Variants in LYPLA1 observed in about 807,000 individuals in gnomAD.
LYPLA1 encodes lysophospholipase 1.
A neutral mutation model predicts 34.0 loss-of-function variants in LYPLA1; 17 were observed. That is an observed-to-expected ratio of 0.50 (90% CI 0.34 to 0.75). The LOEUF is 0.75. Among genes scored for constraint, LYPLA1 ranks in the 30% least tolerant of loss-of-function variants. The probability of loss-of-function intolerance (pLI) is 0.01; values close to 1 mark genes in which losing one functional copy is unlikely to be tolerated. For missense variants in LYPLA1, 203 were observed against 288.8 expected (o/e 0.70, Z 2.15); for synonymous variants, 98 against 100.8 (o/e 0.97, Z 0.17).
chr8:54,048,884 C>G (rs1162596076), intron 8 of LYPLA1, among the ~76,000 whole-genome samples: 1 of 152,184 alleles, frequency 6.6e-6, no homozygotes, highest in African/African-American at 2.4e-5. Context: ...CACTATCCTA[C>G]TTCTCCTCAT....
At chr8:54,077,498 A>G (rs1266263987) in intron 2 of LYPLA1, among the ~76,000 whole-genome samples, 2 of 152,202 alleles carry the variant, frequency 1.3e-5, no homozygotes, top group Non-Finnish European at 2.9e-5. Context: ...GTTACAAAGT[A>G]AAAAATAAAA....
At chr8:54,073,059 T>C (rs552165733) in intron 2 of LYPLA1, 13 of 539,732 alleles carry the variant, frequency 2.4e-5, no homozygotes, top group South Asian at 2.2e-4. Flanking sequence ...GCAGGCAGAA[T>C]GGCTATCATC....
chr8:54,077,842 G>C (rs1808021988), intron 2 of LYPLA1, among the ~76,000 whole-genome samples: 1 of 152,148 alleles, frequency 6.6e-6, no homozygotes, highest in East Asian at 1.9e-4. Context: ...GGATGGGAGG[G>C]TACTAACTCC....
At chr8:54,065,406 C>T (rs1281041250) in intron 3 of LYPLA1, among the ~76,000 whole-genome samples, 2 of 151,416 alleles carry the variant, frequency 1.3e-5, no homozygotes, top group Admixed American at 6.6e-5. Context: ...TGCAGTGAGC[C>T]GAGATCACGC....
chr8:54,091,581 AAAGGAAGGAAGG>A (rs200125817), intron 2 of LYPLA1, among the ~76,000 whole-genome samples: 181 of 142,354 alleles, frequency 1.3e-3, no homozygotes, highest in Middle Eastern at 3.6e-3. Flanking sequence ...GAAAGAAAGA[AAAGGAAGGAAGG>A]AAGGAAGGAA....
chr8:54,081,204 CA>C (rs1808292452), intron 2 of LYPLA1, among the ~76,000 whole-genome samples: 1 of 152,150 alleles, frequency 6.6e-6, no homozygotes. Flanking sequence ...CAATATTTCA[CA>C]GTAAATTTTG....
Position 54,091,565 on chromosome 8 carries a change from AG to A in LYPLA1, c.101+9342del, listed in dbSNP as rs1395208742. 1.4e-3 allele frequency among the ~76,000 whole-genome samples: 178 copies of A among 131,782 alleles called. 2 individuals carry two copies. Among genetic ancestry groups the A allele is most frequent in the African/African-American group, 5.4e-3 (173 of 32,080 alleles). 86.5% of individuals were successfully genotyped at this position (131,782 alleles called of 152,430 possible). On this transcript the variant is annotated intron_variant, in intron 2 of 8. Transcript: ENST00000316963. ...AGAAAAGAAAAGAAGAAAGGAAGGA[AG>A]GAAAGAAAGAAAGAAAAGGAAGGAA...
At chr8:54,090,312 T>C (rs1451578989) in intron 2 of LYPLA1, among the ~76,000 whole-genome samples, 5 of 152,238 alleles carry the variant, frequency 3.3e-5, no homozygotes, top group Admixed American at 6.5e-5. Context: ...TATGGATTGT[T>C]TGTAACCAGC....
Position 54,063,371 on chromosome 8 carries a change from C to T in LYPLA1, c.172G>A (p.Val58Ile). The T allele has an allele frequency of 6.5e-7, 1 of 1,534,196 alleles. No homozygotes were observed. The highest frequency in any genetic ancestry group is 8.8e-7 in the Non-Finnish European group (1 of 1,137,364). ...TTCATATTTAATGTAACAGGCCTAACAGGCCTACATGGAAAAGAAAAAACA... is the reference window on the plus strand; with the variant it reads ...TTCATATTTAATGTAACAGGCCTAATAGGCCTACATGGAAAAGAAAAAACA... ...HIKYICPHAP[V>I]RPVTLNMNVA... is the part of the protein sequence containing the mutation. Residue 58 changes from valine to isoleucine, a missense_variant, in exon 4 of 9, where the codon GTT (valine) becomes ATT (isoleucine). By Grantham distance (29) the Val-to-Ile change is conservative. Around this residue, in one of 3 missense-constraint regions of LYPLA1, gnomAD observed 75 missense variants for 73.5 expected, o/e 1.02. Coordinates refer to ENST00000316963, the MANE Select transcript of LYPLA1 (RefSeq NM_006330.4).
intron 2 of LYPLA1, among the ~76,000 whole-genome samples, chr8:54,093,537 A>G (rs1467561765): frequency 6.6e-6 from 1 of 152,198 alleles, no homozygotes; most frequent in Non-Finnish European, 1.5e-5. Context: ...CCCTGTTGAC[A>G]GCTTGGTTTT....
intron 5 of LYPLA1, among the ~76,000 whole-genome samples, chr8:54,056,230 G>A (rs1289188435): frequency 2.0e-5 from 3 of 152,094 alleles, no homozygotes; most frequent in Non-Finnish European, 4.4e-5. Context: ...ATGGTCCTGG[G>A]AAAACTGGAT....
At chr8:54,068,343 C>T (rs902918705) in intron 2 of LYPLA1, among the ~76,000 whole-genome samples, 25 of 152,162 alleles carry the variant, frequency 1.6e-4, no homozygotes, top group African/African-American at 6.0e-4. Flanking sequence ...TACCACCTGA[C>T]TTTGCACATA....
chr8:54,094,552 C>T (rs1488674834), intron 2 of LYPLA1, among the ~76,000 whole-genome samples: 1 of 152,206 alleles, frequency 6.6e-6, no homozygotes, highest in African/African-American at 2.4e-5. Flanking sequence ...ATTTTGAATA[C>T]TTATAAATAC....
intron 2 of LYPLA1, among the ~76,000 whole-genome samples, chr8:54,070,583 C>T (rs1368969482): frequency 6.6e-6 from 1 of 151,854 alleles, no homozygotes; most frequent in Non-Finnish European, 1.5e-5. Flanking sequence ...ATTAGCCAGG[C>T]TTGATGGCGC....
chr8:54,082,622 A>G (rs562558047), intron 2 of LYPLA1, among the ~76,000 whole-genome samples: 10 of 152,292 alleles, frequency 6.6e-5, no homozygotes, highest in Admixed American at 2.6e-4. Context: ...CCTGCCCAGG[A>G]TACACTTTTT....
intron 3 of LYPLA1, among the ~76,000 whole-genome samples, chr8:54,064,341 C>A (rs561165815): frequency 2.0e-5 from 3 of 151,912 alleles, no homozygotes; most frequent in Admixed American, 6.6e-5. Context: ...CGCATGAACC[C>A]GGGAGGCAGA....
intron 2 of LYPLA1, among the ~76,000 whole-genome samples, chr8:54,093,427 G>A (rs1189521354): frequency 6.6e-6 from 1 of 152,218 alleles, no homozygotes; most frequent in Non-Finnish European, 1.5e-5. Context: ...GAAGACAGAG[G>A]CAGAGGTTGG....
At chr8:54,078,970 A>G (rs571723444) in intron 2 of LYPLA1, among the ~76,000 whole-genome samples, 1 of 150,926 alleles carries the variant, frequency 6.6e-6, no homozygotes, top group South Asian at 2.1e-4. Flanking sequence ...ACGTATTTTC[A>G]GTGTTAACAG....
At chr8:54,075,706 A>G (rs1327265982) in intron 2 of LYPLA1, among the ~76,000 whole-genome samples, 1 of 152,178 alleles carries the variant, frequency 6.6e-6, no homozygotes, top group African/African-American at 2.4e-5. Context: ...GGCTGGCAAT[A>G]ATGCCTAGAT....
Sources: allele counts gnomAD v4.1 joint callset (sites outside exome capture counted in the v4.1 genomes callset), GRCh38; gene constraint gnomAD v4.1.1; regional missense constraint gnomAD v4.1.1; transcripts MANE v1.5; gene names NCBI Gene and HGNC (gene_info 2026-07-23, HGNC 2026-07-21).